KIAA1671: variants seen among roughly 807,000 people sequenced by gnomAD.
KIAA1671 encodes uncharacterized protein KIAA1671.
A neutral mutation model predicts 131.2 loss-of-function variants in KIAA1671; 52 were observed. The observed-to-expected ratio is 0.40, with a 90% CI of 0.32 to 0.50. The LOEUF (loss-of-function observed/expected upper bound fraction) is 0.50, where lower values mean the gene tolerates loss of function less well. KIAA1671 is among the 20% of genes least tolerant of loss of function. The pLI is 0.73. For missense variants in KIAA1671, 2,360 were observed against 2,364.2 expected (o/e 1.00, Z 0.04); for synonymous variants, 1,003 against 961.6 (o/e 1.04, Z -0.80).
intron 6 of KIAA1671, among the ~76,000 whole-genome samples, chr22:25,075,906 G>C (rs9612854): frequency 6.6e-6 from 1 of 151,826 alleles, no homozygotes; most frequent in African/African-American, 2.4e-5. Flanking sequence ...CTCCCGAGTA[G>C]CTGGGATTAC....
chr22:25,118,847 T>C (rs12166385), intron 6 of KIAA1671, among the ~76,000 whole-genome samples: 11,212 of 152,150 alleles, frequency 0.074, 1,333 homozygotes, highest in African/African-American at 0.25. Context: ...AGTCACCCCC[T>C]GCTCCTTCCA....
intron 6 of KIAA1671, chr22:25,053,558 G>C (rs1188174159): frequency 2.0e-5 from 3 of 152,184 alleles, no homozygotes; most frequent in Non-Finnish European, 2.9e-5. Context: ...AGCATATGCT[G>C]GCTCATTTGG....
intron 6 of KIAA1671, among the ~76,000 whole-genome samples, chr22:25,135,627 T>TG (rs1932643354): frequency 1.3e-5 from 2 of 152,160 alleles, no homozygotes; most frequent in South Asian, 4.2e-4. Context: ...ACCTCTTAAT[T>TG]GGGGAAATAT....
chr22:25,065,961 CAG>C (rs1013425885), intron 6 of KIAA1671, among the ~76,000 whole-genome samples: 9 of 152,006 alleles, frequency 5.9e-5, no homozygotes, highest in African/African-American at 1.2e-4. Flanking sequence ...TTTAAAGAAA[CAG>C]AGATGTATTT....
At chr22:25,067,423 G>T (rs959823980) in intron 6 of KIAA1671, among the ~76,000 whole-genome samples, 1 of 151,936 alleles carries the variant, frequency 6.6e-6, no homozygotes, top group African/African-American at 2.4e-5. Context: ...TTCCTTTGGG[G>T]TTCATCCCTT....
intron 6 of KIAA1671, among the ~76,000 whole-genome samples, chr22:25,167,749 T>G (rs1200014588): frequency 1.3e-5 from 2 of 152,184 alleles, no homozygotes; most frequent in Non-Finnish European, 2.9e-5. Context: ...CAGGGGTGAC[T>G]GAGGGATTTA....
intron 9 of KIAA1671, among the ~76,000 whole-genome samples, chr22:25,178,710 G>A (rs1934134389): frequency 6.6e-6 from 1 of 152,170 alleles, no homozygotes; most frequent in Admixed American, 6.5e-5. Flanking sequence ...AAGGCCCAGG[G>A]TGTCCACCTC....
At chr22:24,980,749 TA>T (rs1337144695) in intron 1 of KIAA1671, among the ~76,000 whole-genome samples, 1 of 151,962 alleles carries the variant, frequency 6.6e-6, no homozygotes, top group Non-Finnish European at 1.5e-5. Flanking sequence ...TTGTTATTAT[TA>T]TTTTTTTTTT....
At chr22:24,959,879 T>C (rs1921922065) in intron 1 of KIAA1671, among the ~76,000 whole-genome samples, 1 of 151,928 alleles carries the variant, frequency 6.6e-6, no homozygotes, top group South Asian at 2.1e-4. Flanking sequence ...GGCTCACGCC[T>C]GTAATCCCAG....
At position 25,001,292 on chromosome 22, in the gene KIAA1671, T is replaced by C. The variant is rs559446362; in HGVS notation, c.-207-24341T>C. Among the ~76,000 whole-genome samples the C allele has an allele frequency of 2.0e-5, 3 of 152,250 alleles. No individual in the cohort carries two copies. In the East Asian group the frequency reaches 5.8e-4, roughly 29 times the overall value. Reference sequence around the variant, plus strand: ...ATATGCATGTGTATGTGTGTGCATGTGTATATACATATTTTTAATTCCAGT... The same window carrying C: ...ATATGCATGTGTATGTGTGTGCATGCGTATATACATATTTTTAATTCCAGT... On this transcript the variant is annotated intron_variant, in intron 1 of 12. Transcript: ENST00000358431.
intron 1 of KIAA1671, chr22:25,014,484 CT>C (rs1298520779): frequency 6.6e-6 from 1 of 152,224 alleles, no homozygotes; most frequent in African/African-American, 2.4e-5. Flanking sequence ...TCATAGCTCA[CT>C]GCAGCCTCAA....
intron 1 of KIAA1671, among the ~76,000 whole-genome samples, chr22:24,971,438 A>C (rs768385025): frequency 1.3e-5 from 2 of 151,298 alleles, no homozygotes; most frequent in Non-Finnish European, 2.9e-5. Context: ...TGTAGAAGTG[A>C]GTCTTCTCCT....
chr22:25,159,187 C>G (rs1392695480), intron 6 of KIAA1671, among the ~76,000 whole-genome samples: 2 of 152,164 alleles, frequency 1.3e-5, no homozygotes, highest in Non-Finnish European at 2.9e-5. Flanking sequence ...CAGGCACTCC[C>G]AGCCGGGAAA....
intron 6 of KIAA1671, among the ~76,000 whole-genome samples, chr22:25,098,668 G>GCT (rs1371067089): frequency 6.6e-6 from 1 of 152,068 alleles, no homozygotes; most frequent in Non-Finnish European, 1.5e-5. Context: ...GATGCCAGGG[G>GCT]CTCTGGAAGA....
intron 6 of KIAA1671, among the ~76,000 whole-genome samples, chr22:25,127,722 ATTTTC>A (rs1932250909): frequency 6.6e-6 from 1 of 152,182 alleles, no homozygotes; most frequent in Non-Finnish European, 1.5e-5. Flanking sequence ...GCTATGTTGG[ATTTTC>A]TTTTCCTCTT....
chr22:25,179,220 C>A (rs1934167864), intron 9 of KIAA1671: 16 of 1,364,556 alleles, frequency 1.2e-5, no homozygotes, highest in Non-Finnish European at 1.5e-5. Flanking sequence ...GGAGGAGGAA[C>A]AAAAGTTGCA....
intron 6 of KIAA1671, chr22:25,110,816 G>A (rs1202440046): frequency 6.6e-6 from 1 of 152,420 alleles, no homozygotes; most frequent in Non-Finnish European, 1.5e-5. Context: ...TGTAAACCAT[G>A]AATCATTCCC....
intron 6 of KIAA1671, among the ~76,000 whole-genome samples, chr22:25,152,060 G>A (rs938005241): frequency 6.6e-6 from 1 of 152,190 alleles, no homozygotes; most frequent in Non-Finnish European, 1.5e-5. Context: ...CTGACTTCCT[G>A]TGTCAGTGAA....
At chr22:25,033,199 A>G in intron 4 of KIAA1671, among the ~76,000 whole-genome samples, 1 of 152,060 alleles carries the variant, frequency 6.6e-6, no homozygotes. Context: ...CAGCCTGGGC[A>G]ACATAGTGAG....
Sources: gnomAD v4.1 joint callset for allele counts (sites outside exome capture counted in the v4.1 genomes callset) on GRCh38, gnomAD v4.1.1 for gene constraint, MANE v1.5 for transcripts, NCBI Gene and HGNC (gene_info 2026-07-23, HGNC 2026-07-21) for gene names.